The following CAPRIN1 variants were observed in gnomAD, a reference collection of about 807,000 sequenced individuals.
CAPRIN1 encodes the protein cell cycle associated protein 1.
A neutral mutation model predicts 100.9 loss-of-function variants in CAPRIN1; 29 were observed. The observed-to-expected ratio is 0.29, with a 90% CI of 0.21 to 0.39. The LOEUF (loss-of-function observed/expected upper bound fraction) is 0.39, where lower values mean the gene tolerates loss of function less well. Ranked by LOEUF, CAPRIN1 falls within the 10% of genes least tolerant of loss-of-function variation. The probability of loss-of-function intolerance (pLI) is 1.00; values close to 1 mark genes in which losing one functional copy is unlikely to be tolerated. For missense variants in CAPRIN1, 795 were observed against 876.7 expected (o/e 0.91, Z 1.18); for synonymous variants, 338 against 307.5 (o/e 1.10, Z -1.04).
At chr11:34,098,972 C>G (rs950776314) in intron 18 of CAPRIN1, 46 of 1,145,616 alleles carry the variant, frequency 4.0e-5, no homozygotes, top group Non-Finnish European at 3.9e-5. Flanking sequence ...GGTACCTTGT[C>G]TGTCTTCTCT....
rs376327927 is a variant in CAPRIN1 at position 34,090,307 on chromosome 11, G to A, written c.1404+18G>A. 542 of 1,528,268 alleles carry A rather than the reference G, an allele frequency of 3.5e-4. 3 individuals are homozygous for A. The Middle Eastern group carries it at 4.6e-3, about 13-fold the overall frequency. 94.7% of individuals were successfully genotyped at this position (1,528,268 alleles called of 1,614,324 possible). On this transcript the variant is annotated intron_variant, in intron 13 of 18. Transcript: ENST00000341394. ...AGATTCAGGCAAGTTCTGTTACCGG[G>A]TCACATACATTTGATGAGGCACTTA...
intron 7 of CAPRIN1, among the ~76,000 whole-genome samples, chr11:34,081,788 A>G (rs1312221483): frequency 6.6e-6 from 1 of 151,724 alleles, no homozygotes; most frequent in East Asian, 1.9e-4. Flanking sequence ...GTGAGCCACC[A>G]TGCCCGGCCT....
intron 2 of CAPRIN1, among the ~76,000 whole-genome samples, chr11:34,065,434 A>G (rs898275734): frequency 6.6e-5 from 10 of 152,142 alleles, no homozygotes; most frequent in Non-Finnish European, 1.2e-4. Flanking sequence ...ACCAACTACA[A>G]ATTGCTGGGT....
intron 2 of CAPRIN1, among the ~76,000 whole-genome samples, chr11:34,061,787 A>G (rs918408500): frequency 1.3e-5 from 2 of 151,416 alleles, no homozygotes; most frequent in Non-Finnish European, 1.5e-5. Context: ...CCTGGCCAAC[A>G]TGGTGAAACC....
chr11:34,093,399 C>T (rs1489073040), intron 15 of CAPRIN1, among the ~76,000 whole-genome samples: 9 of 152,124 alleles, frequency 5.9e-5, no homozygotes, highest in Non-Finnish European at 1.0e-4. Context: ...TAGGCATGAG[C>T]CACCATGATG....
intron 4 of CAPRIN1, among the ~76,000 whole-genome samples, chr11:34,073,202 C>T (rs1258005503): frequency 6.6e-6 from 1 of 152,070 alleles, no homozygotes; most frequent in Non-Finnish European, 1.5e-5. Flanking sequence ...AAACAGACTG[C>T]CCAGTTGAAT....
chr11:34,089,577 G>A, intron 12 of CAPRIN1, 121 bp downstream of exon 12: 1 of 505,792 alleles, frequency 2.0e-6, no homozygotes, highest in East Asian at 3.2e-5. Flanking sequence ...GACCAGTCTG[G>A]GCAGTGTAGC....
intron 2 of CAPRIN1, among the ~76,000 whole-genome samples, chr11:34,057,882 C>G (rs1012581618): frequency 6.6e-6 from 1 of 151,680 alleles, no homozygotes; most frequent in Non-Finnish European, 1.5e-5. Context: ...CCACGCCCGG[C>G]TAATTTTTTA....
chr11:34,091,606 G>C (rs1851266473), intron 14 of CAPRIN1: 1 of 190,284 alleles, frequency 5.3e-6, no homozygotes, highest in African/African-American at 2.4e-5. Flanking sequence ...CTTTTAAAAA[G>C]ATTTCTCATA....
rs778432679 is a variant in CAPRIN1, at chr11:34,086,019, T to C, written c.967-45T>C. On this transcript the variant is annotated intron_variant, in intron 9 of 18. Transcript: ENST00000341394. ...CCATCATGGTGGTAGTGAGTGGAGCTTTTTTGCTCTCCTATTCCTTCTAAT... is the reference window on the plus strand; with the variant it reads ...CCATCATGGTGGTAGTGAGTGGAGCCTTTTTGCTCTCCTATTCCTTCTAAT... The C allele has an allele frequency of 1.9e-6, 3 of 1,579,398 alleles. No homozygotes were observed. In the South Asian group the frequency reaches 3.4e-5, roughly 18 times the overall value.
intron 15 of CAPRIN1, among the ~76,000 whole-genome samples, chr11:34,093,525 C>G (rs1429580940): frequency 6.6e-6 from 1 of 152,178 alleles, no homozygotes; most frequent in African/African-American, 2.4e-5. Context: ...GTAAAATTTT[C>G]TAATTATTCA....
In CAPRIN1 at chr11:34,076,397, A is replaced by G. The variant is rs1482767649; in HGVS notation, c.528A>G (p.Pro176=). 2 of 1,614,122 alleles carry G rather than the reference A, an allele frequency of 1.2e-6. No homozygotes were observed. The highest frequency in any genetic ancestry group is 2.7e-5 in the African/African-American group (2 of 74,944). Residue 176 remains proline, a synonymous_variant, in exon 5 of 19, where the codon CCA becomes CCG. Coordinates refer to ENST00000341394, the MANE Select transcript of CAPRIN1 (RefSeq NM_005898.5). ...TGAAACAAGGTTTGAATGGAGTGCC[A>G]ATATTGTCCGAAGAGGAGTTGTCAT... ...TDLKQGLNGV[P]ILSEEELSLL...
chr11:34,053,151 C>G, intron 2 of CAPRIN1: 2 of 988,486 alleles, frequency 2.0e-6, no homozygotes, highest in Non-Finnish European at 2.4e-6. Flanking sequence ...GTCCCCTCTT[C>G]TTCCGTAGGA....
At chr11:34,088,485 C>T (rs938566807) in intron 11 of CAPRIN1, among the ~76,000 whole-genome samples, 3 of 151,622 alleles carry the variant, frequency 2.0e-5, no homozygotes, top group South Asian at 2.1e-4. Flanking sequence ...ACATAGACCT[C>T]GCCTCTACAA....
intron 4 of CAPRIN1, among the ~76,000 whole-genome samples, chr11:34,074,959 C>T (rs927549534): frequency 2.6e-5 from 4 of 152,112 alleles, no homozygotes; most frequent in Non-Finnish European, 4.4e-5. Context: ...GTGAGAGGAT[C>T]GCTTGAGGCC....
chr11:34,099,968 G>C lies in CAPRIN1; in HGVS notation c.*601G>C, dbSNP rs1322847355. 1 of 152,670 alleles carries C rather than the reference G, an allele frequency of 6.6e-6. No individual in the cohort carries two copies. Among genetic ancestry groups the C allele is most frequent in the Non-Finnish European group, 1.5e-5 (1 of 68,092 alleles). The allele number at this position is 152,670 out of a possible 1,614,324, so 9.5% of individuals were successfully genotyped here. A position where few individuals can be genotyped will look rare whatever the true frequency, so the allele number is the denominator to read the frequency against. On this transcript the variant is annotated 3_prime_UTR_variant, in exon 19 of 19. Coordinates refer to ENST00000341394, the MANE Select transcript of CAPRIN1 (RefSeq NM_005898.5). ...CTGTTCATCTGGCCAAACAACTGTG[G>C]TTAAAAACACATGTAAAATGCTTTT...
intron 4 of CAPRIN1, among the ~76,000 whole-genome samples, chr11:34,073,854 C>T (rs1324158262): frequency 6.6e-6 from 1 of 152,148 alleles, no homozygotes; most frequent in Non-Finnish European, 1.5e-5. Flanking sequence ...AATGGAATGC[C>T]TGAGACCGGA....
chr11:34,073,450 A>T (rs1223142555), intron 4 of CAPRIN1, among the ~76,000 whole-genome samples: 3 of 152,136 alleles, frequency 2.0e-5, no homozygotes, highest in African/African-American at 7.2e-5. Context: ...GCACTTAATC[A>T]TTTTTGTTTG....
intron 6 of CAPRIN1, among the ~76,000 whole-genome samples, chr11:34,078,583 T>C (rs916717047): frequency 7.2e-5 from 11 of 152,198 alleles, no homozygotes; most frequent in African/African-American, 1.4e-4. Flanking sequence ...TTAAAATCTT[T>C]AGTGGCTTCA....
Sources: allele counts gnomAD v4.1 joint callset (sites outside exome capture counted in the v4.1 genomes callset), GRCh38; gene constraint gnomAD v4.1.1; transcripts MANE v1.5; gene names NCBI Gene and HGNC (gene_info 2026-07-23, HGNC 2026-07-21).